The following PCNT variants were observed in gnomAD, a reference collection of about 807,000 sequenced individuals.
PCNT encodes the protein kendrin.
A neutral mutation model predicts 380.4 loss-of-function variants in PCNT; 319 were observed. That is an observed-to-expected ratio of 0.84 (90% CI 0.77 to 0.92). PCNT has a LOEUF of 0.92. PCNT is among the 40% of genes least tolerant of loss of function. The pLI is 0.00. For missense variants in PCNT, 4,400 were observed against 4,255.3 expected (o/e 1.03, Z -0.95); for synonymous variants, 1,845 against 1,735.2 (o/e 1.06, Z -1.57).
At chr21:46,356,252 T>C (rs527659123) in intron 12 of PCNT, among the ~76,000 whole-genome samples, 1 of 152,300 alleles carries the variant, frequency 6.6e-6, no homozygotes, top group East Asian at 1.9e-4. Flanking sequence ...CGGGTCCTGC[T>C]GGGAGGTGTG....
At chr21:46,347,649 T>G (rs1391444878) in intron 6 of PCNT, 137 bp downstream of exon 6, 1 of 792,502 alleles carries the variant, frequency 1.3e-6, no homozygotes, top group African/African-American at 1.7e-5. Context: ...TGGTTGAAAG[T>G]GTATTGCGTT....
chr21:46,406,273 A>T (rs1299408518), intron 27 of PCNT, among the ~76,000 whole-genome samples: 1 of 152,166 alleles, frequency 6.6e-6, no homozygotes, highest in Non-Finnish European at 1.5e-5. Context: ...GGCTTATTCT[A>T]ACTCTGGGGT....
Position 46,398,016 on chromosome 21 carries a change from G to T in PCNT, c.4449G>T (p.Glu1483Asp). The change falls in exon 23 of 47, where the codon GAG (glutamate) becomes GAT (aspartate). Residue 1483 changes from glutamate (E) to aspartate (D), a missense_variant and splice_region_variant. Glu to Asp is a conservative substitution (Grantham distance 45). Transcript: ENST00000359568. ...CAACACGCTGCCTCTCCTCCCAGGA[G>T]CAGGCAGCCGAGCGGGAGCACGAGC... ...HLRNQRQFMDEQAAEREHERE... is the reference protein window; with the variant it reads ...HLRNQRQFMDDQAAEREHERE... 6.3e-7 allele frequency: 1 copy of T among 1,581,170 alleles called. No individual in the cohort carries two copies.
intron 13 of PCNT, among the ~76,000 whole-genome samples, chr21:46,360,951 C>T (rs537027655): frequency 6.6e-6 from 1 of 152,256 alleles, no homozygotes; most frequent in Non-Finnish European, 1.5e-5. Flanking sequence ...CTGTGAGATG[C>T]GTCTGGTGGT....
At chr21:46,393,753 G>A (rs762185431) in intron 21 of PCNT, among the ~76,000 whole-genome samples, 1 of 152,224 alleles carries the variant, frequency 6.6e-6, no homozygotes, top group Non-Finnish European at 1.5e-5. Flanking sequence ...GCACTGCAGG[G>A]CTTCTTCCCA....
chr21:46,351,923 C>T (rs1218639916), intron 9 of PCNT, among the ~76,000 whole-genome samples: 3 of 152,270 alleles, frequency 2.0e-5, no homozygotes, highest in African/African-American at 7.2e-5. Context: ...CAGTGCCCCA[C>T]ATCCTGCTGC....
intron 34 of PCNT, among the ~76,000 whole-genome samples, chr21:46,428,174 C>T (rs1287742120): frequency 1.3e-5 from 2 of 152,140 alleles, no homozygotes; most frequent in African/African-American, 4.8e-5. Context: ...ACGAGGAAAC[C>T]TAGTGTTGAG....
At chr21:46,427,939 G>A (rs1838389846) in intron 34 of PCNT, 144 bp downstream of exon 34, 11 of 852,752 alleles carry the variant, frequency 1.3e-5, no homozygotes, top group Middle Eastern at 6.7e-4. Flanking sequence ...TTACCCAGGT[G>A]TTGACGCTCA....
intron 3 of PCNT, among the ~76,000 whole-genome samples, chr21:46,337,276 C>G (rs2146404660): frequency 6.6e-6 from 1 of 151,970 alleles, no homozygotes; most frequent in African/African-American, 2.4e-5. Context: ...CACGCCCGGC[C>G]CCATTTATTT....
At chr21:46,367,556 C>T (rs1033895261) in intron 15 of PCNT, among the ~76,000 whole-genome samples, 5 of 152,162 alleles carry the variant, frequency 3.3e-5, no homozygotes, top group African/African-American at 9.7e-5. Flanking sequence ...GATCCACCCG[C>T]CTTGACTCCC....
chr21:46,393,170 G>A (rs899101655), intron 21 of PCNT, among the ~76,000 whole-genome samples: 4 of 152,178 alleles, frequency 2.6e-5, no homozygotes, highest in African/African-American at 9.7e-5. Flanking sequence ...GTGTCCACAG[G>A]GGGAGTGCGG....
chr21:46,439,981 C>T, intron 41 of PCNT, 102 bp from the exon 42 acceptor site: 3 of 1,443,704 alleles, frequency 2.1e-6, no homozygotes, highest in Non-Finnish European at 1.9e-6. Context: ...AGCCTGGCCT[C>T]CCCGCACATG....
intron 32 of PCNT, among the ~76,000 whole-genome samples, chr21:46,422,474 G>A (rs555502001): frequency 2.7e-5 from 4 of 148,968 alleles, no homozygotes; most frequent in African/African-American, 5.2e-5. Context: ...GGCACCAGAC[G>A]CCGCAGTGCT....
Position 46,389,515 on chromosome 21 carries a change from G to A in PCNT, c.3840+84G>A, listed in dbSNP as rs2085960129. 3.6e-6 allele frequency: 4 copies of A among 1,097,062 alleles called. No individual in the cohort carries two copies. In the African/African-American group the frequency reaches 6.2e-5, roughly 17 times the overall value. The allele number at this position is 1,097,062 out of a possible 1,614,324, so 68.0% of individuals were successfully genotyped here. On this transcript the variant is annotated intron_variant, in intron 19 of 46. Transcript: ENST00000359568. ...CCACACGAGCCTGGTGGATGCCGGTGCCAACGACGCTCGCACGGGTTTCTC... is the reference window on the plus strand; with the variant it reads ...CCACACGAGCCTGGTGGATGCCGGTACCAACGACGCTCGCACGGGTTTCTC...
chr21:46,347,955 A>T (rs966767781), intron 6 of PCNT, among the ~76,000 whole-genome samples: 3 of 152,214 alleles, frequency 2.0e-5, no homozygotes, highest in Non-Finnish European at 4.4e-5. Context: ...CACAGGTAGC[A>T]GTGCCCCGTC....
At chr21:46,360,450 C>G (rs1055239053) in intron 13 of PCNT, among the ~76,000 whole-genome samples, 4 of 147,060 alleles carry the variant, frequency 2.7e-5, no homozygotes, top group African/African-American at 1.0e-4. Context: ...TTCTCGATCT[C>G]CTGACCTCGT....
At chr21:46,345,879 GCTC>G (rs1238336747) in intron 3 of PCNT, among the ~76,000 whole-genome samples, 1 of 152,166 alleles carries the variant, frequency 6.6e-6, no homozygotes, top group East Asian at 1.9e-4. Context: ...CGTCTTCAGG[GCTC>G]CTCTGTGTTG....
intron 27 of PCNT, 48 bp downstream of exon 27, chr21:46,402,531 C>G (rs2086462746): frequency 6.2e-7 from 1 of 1,604,084 alleles, no homozygotes; most frequent in African/African-American, 1.3e-5. Context: ...GTTGCTTATG[C>G]CGGTGCCGAG....
At chr21:46,341,240 T>A (rs907667628) in intron 3 of PCNT, among the ~76,000 whole-genome samples, 5 of 152,142 alleles carry the variant, frequency 3.3e-5, no homozygotes, top group Non-Finnish European at 4.4e-5. Context: ...ACTATTATTT[T>A]GGGTCTGCCG....
Sources: gnomAD v4.1 joint callset for allele counts (sites outside exome capture counted in the v4.1 genomes callset) on GRCh38, gnomAD v4.1.1 for gene constraint, MANE v1.5 for transcripts, NCBI Gene and HGNC (gene_info 2026-07-23, HGNC 2026-07-21) for gene names.